DCLK2: variants seen among roughly 807,000 people sequenced by gnomAD.
The protein encoded by DCLK2 is doublecortin like kinase 2, also known as serine/threonine-protein kinase DCLK2.
In DCLK2, 31 loss-of-function variants were observed where a neutral mutation model predicts 78.4. The observed-to-expected ratio is 0.40, with a 90% CI of 0.30 to 0.53. The LOEUF (loss-of-function observed/expected upper bound fraction) is 0.53. DCLK2 is among the 20% of genes least tolerant of loss of function. The probability of loss-of-function intolerance (pLI) is 0.61; values close to 1 mark genes in which losing one functional copy is unlikely to be tolerated. For missense variants in DCLK2, 872 were observed against 973.7 expected (o/e 0.90, Z 1.39); for synonymous variants, 407 against 374.9 (o/e 1.09, Z -0.99).
chr4:150,214,266 C>T (rs535055593), intron 5 of DCLK2, among the ~76,000 whole-genome samples: 10 of 152,246 alleles, frequency 6.6e-5, no homozygotes, highest in African/African-American at 2.4e-4. Flanking sequence ...ATCTGCAGAC[C>T]TTTTAAAAAA....
At chr4:150,094,313 G>A (rs1416146430) in intron 1 of DCLK2, among the ~76,000 whole-genome samples, 1 of 152,136 alleles carries the variant, frequency 6.6e-6, no homozygotes, top group Non-Finnish European at 1.5e-5. Flanking sequence ...GTCTGACAAG[G>A]GGTTAATATC....
Position 150,103,144 on chromosome 4 carries a change from A to G in DCLK2, c.756+332A>G, listed in dbSNP as rs564375771. Among the ~76,000 whole-genome samples, 18 of 152,332 alleles carry G rather than the reference A, an allele frequency of 1.2e-4. No homozygotes were observed. In the South Asian group the frequency reaches 2.5e-3, roughly 21 times the overall value. On this transcript the variant is annotated intron_variant, in intron 2 of 15. Transcript: ENST00000296550. ...ACGTTAAATGGCATGTCATCTATTT[A>G]TGAATAACTGTTGATTTGTAAAGTC...
chr4:150,197,375 G>A (rs1209618549), intron 3 of DCLK2, among the ~76,000 whole-genome samples: 1 of 152,202 alleles, frequency 6.6e-6, no homozygotes, highest in African/African-American at 2.4e-5. Context: ...TAGATTAGCT[G>A]TGGATGTTTG....
At chr4:150,082,846 C>T (rs534822628) in intron 1 of DCLK2, among the ~76,000 whole-genome samples, 1 of 152,242 alleles carries the variant, frequency 6.6e-6, no homozygotes, top group East Asian at 1.9e-4. Flanking sequence ...TCCTTCTGAG[C>T]GTTTGGTCTT....
chr4:150,229,167 C>G (rs1163088227), intron 8 of DCLK2, among the ~76,000 whole-genome samples: 2 of 151,954 alleles, frequency 1.3e-5, no homozygotes, highest in Non-Finnish European at 2.9e-5. Flanking sequence ...TAGTGAGACC[C>G]CATTTCTGCA....
intron 5 of DCLK2, among the ~76,000 whole-genome samples, chr4:150,215,060 A>G (rs1740588739): frequency 6.6e-6 from 1 of 152,162 alleles, no homozygotes; most frequent in South Asian, 2.1e-4. Context: ...AAGAAAGTCA[A>G]CTCAGTACAG....
At chr4:150,080,837 A>G (rs1729208288) in intron 1 of DCLK2, among the ~76,000 whole-genome samples, 1 of 152,228 alleles carries the variant, frequency 6.6e-6, no homozygotes, top group African/African-American at 2.4e-5. Context: ...AGCCAAAATT[A>G]AATTGTCTCT....
Position 150,256,675 on chromosome 4 carries a change from TTCTCTCTC to T in DCLK2, c.*438_*445del, listed in dbSNP as rs10561576. The T allele has an allele frequency of 3.4e-3, 527 of 156,520 alleles. 1 individual carries two copies. The highest frequency in any genetic ancestry group is 0.016 in the Middle Eastern group (5 of 310). 9.7% of individuals were successfully genotyped at this position (156,520 alleles called of 1,614,324 possible). ...CTCAGAACACTCCCTTTCTTTTCTT[TTCTCTCTC>T]TCTCTCTCTTTTTTTTTTACGAAAG... On this transcript the variant is annotated 3_prime_UTR_variant, in exon 16 of 16. Coordinates refer to ENST00000296550, the MANE Select transcript of DCLK2 (RefSeq NM_001040260.4).
chr4:150,222,670 A>G (rs1481948656), intron 7 of DCLK2, among the ~76,000 whole-genome samples: 2 of 151,592 alleles, frequency 1.3e-5, no homozygotes, highest in African/African-American at 4.9e-5. Flanking sequence ...CCATGGTGAA[A>G]CCCCATCTCT....
intron 2 of DCLK2, among the ~76,000 whole-genome samples, chr4:150,174,796 AGACCAGCCT>A (rs1284702266): frequency 6.6e-6 from 1 of 151,060 alleles, no homozygotes; most frequent in African/African-American, 2.4e-5. Flanking sequence ...CAGGAGTTCA[AGACCAGCCT>A]GACCAACATG....
intron 2 of DCLK2, among the ~76,000 whole-genome samples, chr4:150,108,405 G>A (rs1486027678): frequency 6.6e-6 from 1 of 151,288 alleles, no homozygotes. Context: ...TTAGCTGGGC[G>A]TGGTGGTGGG....
rs797007606 is a variant in DCLK2, at chr4:150,088,005, C to T, written c.421+8557C>T. On this transcript the variant is annotated intron_variant, in intron 1 of 15. Coordinates refer to ENST00000296550, the MANE Select transcript of DCLK2 (RefSeq NM_001040260.4). ...AGGGCGGCAGAAGATCAGAGAAAAACGTTTGCCTCTGAGGATGCTACTGGG... is the reference window on the plus strand; with the variant it reads ...AGGGCGGCAGAAGATCAGAGAAAAATGTTTGCCTCTGAGGATGCTACTGGG... 1.0e-4 allele frequency among the ~76,000 whole-genome samples: 15 copies of T among 149,956 alleles called. No individual in the cohort carries two copies. The South Asian group carries it at 2.8e-3, about 28-fold the overall frequency.
chr4:150,104,110 ACT>A (rs1731069941), intron 2 of DCLK2, among the ~76,000 whole-genome samples: 1 of 152,138 alleles, frequency 6.6e-6, no homozygotes, highest in East Asian at 1.9e-4. Context: ...AAAAATCTAA[ACT>A]CACCAATTTA....
intron 10 of DCLK2, among the ~76,000 whole-genome samples, chr4:150,236,306 T>C (rs1033753173): frequency 1.3e-5 from 2 of 152,120 alleles, no homozygotes; most frequent in African/African-American, 4.8e-5. Flanking sequence ...TGGCAGGCCT[T>C]TCCAGTTATT....
At chr4:150,161,150 T>C (rs1049402013) in intron 2 of DCLK2, among the ~76,000 whole-genome samples, 3 of 152,208 alleles carry the variant, frequency 2.0e-5, no homozygotes, top group Non-Finnish European at 4.4e-5. Context: ...TCAATGAAGA[T>C]ATAGAAAACT....
intron 8 of DCLK2, among the ~76,000 whole-genome samples, chr4:150,227,259 C>T (rs772175097): frequency 8.3e-4 from 126 of 152,316 alleles, no homozygotes; most frequent in Admixed American, 2.3e-3. Context: ...CTCTCCCTCA[C>T]CTTCTGTTTG....
chr4:150,091,767 TTA>T (rs758201169), intron 1 of DCLK2, among the ~76,000 whole-genome samples: 20,631 of 133,602 alleles, frequency 0.15, 1,719 homozygotes, highest in Non-Finnish European at 0.22. Context: ...AAAGGAACAT[TTA>T]TGTGTGTGTG....
intron 12 of DCLK2, among the ~76,000 whole-genome samples, chr4:150,244,810 G>C (rs1003156129): frequency 1.3e-5 from 2 of 152,232 alleles, no homozygotes; most frequent in African/African-American, 4.8e-5. Flanking sequence ...CATTCTCATT[G>C]CTGAGACACC....
chr4:150,095,692 A>G (rs1290887757), intron 1 of DCLK2, among the ~76,000 whole-genome samples: 1 of 152,238 alleles, frequency 6.6e-6, no homozygotes, highest in African/African-American at 2.4e-5. Context: ...GATAATGCCA[A>G]CCTAAGTGAT....
Sources: gnomAD v4.1 joint callset for allele counts (sites outside exome capture counted in the v4.1 genomes callset) on GRCh38, gnomAD v4.1.1 for gene constraint, MANE v1.5 for transcripts, NCBI Gene and HGNC (gene_info 2026-07-23, HGNC 2026-07-21) for gene names.